Variants in PTPRD observed in about 807,000 individuals in gnomAD.
The protein encoded by PTPRD is receptor-type tyrosine-protein phosphatase delta.
In PTPRD, 34 loss-of-function variants were observed where a neutral mutation model predicts 214.5. That is an observed-to-expected ratio of 0.16 (90% CI 0.12 to 0.21). The LOEUF (loss-of-function observed/expected upper bound fraction) is 0.21, where lower values mean the gene tolerates loss of function less well. PTPRD is among the 10% of genes least tolerant of loss of function. PTPRD has a pLI of 1.00. For synonymous variants in PTPRD, 1,128 were observed against 845.7 expected (o/e 1.33, Z -5.79); for missense variants, 2,545 against 2,398.7 (o/e 1.06, Z -1.27).
chr9:9,443,312 T>C (rs1339946989), intron 8 of PTPRD, among the ~76,000 whole-genome samples: 1 of 152,224 alleles, frequency 6.6e-6, no homozygotes, highest in Non-Finnish European at 1.5e-5. Flanking sequence ...CTACTTCTAG[T>C]TAGCATTGTG....
intron 8 of PTPRD, among the ~76,000 whole-genome samples, chr9:9,520,001 G>T (rs1367253179): frequency 6.6e-6 from 1 of 151,914 alleles, no homozygotes; most frequent in Non-Finnish European, 1.5e-5. Context: ...CTGAAAATAG[G>T]CCTATGTATG....
At chr9:10,472,986 C>G (rs1180602700) in intron 2 of PTPRD, among the ~76,000 whole-genome samples, 1 of 151,800 alleles carries the variant, frequency 6.6e-6, no homozygotes, top group Non-Finnish European at 1.5e-5. Flanking sequence ...TTATTTAATA[C>G]ATTATTTCTT....
At chr9:8,706,284 T>C (rs894945015) in intron 12 of PTPRD, among the ~76,000 whole-genome samples, 1 of 152,206 alleles carries the variant, frequency 6.6e-6, no homozygotes, top group Admixed American at 6.5e-5. Flanking sequence ...AGGTTTGATA[T>C]TTATCCCAAG....
At chr9:8,841,665 T>G (rs1267453488) in intron 11 of PTPRD, among the ~76,000 whole-genome samples, 1 of 150,026 alleles carries the variant, frequency 6.7e-6, no homozygotes, top group African/African-American at 2.4e-5. Context: ...TTTTGTTTAT[T>G]TTGATTATAA....
At chr9:9,835,784 T>C (rs534421294) in intron 5 of PTPRD, among the ~76,000 whole-genome samples, 61 of 152,002 alleles carry the variant, frequency 4.0e-4, no homozygotes, top group Admixed American at 5.9e-4. Flanking sequence ...ACTGAAGGAA[T>C]GAGATAAGCA....
chr9:8,995,784 TACTA>T (rs2099394332), intron 11 of PTPRD, among the ~76,000 whole-genome samples: 1 of 152,066 alleles, frequency 6.6e-6, no homozygotes, highest in African/African-American at 2.4e-5. Context: ...GGATACACAA[TACTA>T]GTTTATATTT....
At chr9:10,565,689 C>T (rs528543108) in intron 2 of PTPRD, among the ~76,000 whole-genome samples, 15 of 152,202 alleles carry the variant, frequency 9.9e-5, no homozygotes, top group African/African-American at 3.4e-4. Flanking sequence ...CCCAGTATAG[C>T]AACCTAGCTT....
chr9:9,533,264 C>T (rs552512947), intron 8 of PTPRD, among the ~76,000 whole-genome samples: 2 of 152,178 alleles, frequency 1.3e-5, no homozygotes, highest in Admixed American at 6.6e-5. Context: ...AATGAGCATA[C>T]AATGTATAGA....
chr9:9,591,253 A>T (rs770575845), intron 7 of PTPRD, among the ~76,000 whole-genome samples: 2 of 151,966 alleles, frequency 1.3e-5, no homozygotes, highest in Non-Finnish European at 2.9e-5. Context: ...GTGGGAGGAC[A>T]TATGGAAGGC....
chr9:8,433,274 C>G (rs550910892), intron 35 of PTPRD, among the ~76,000 whole-genome samples: 1 of 152,154 alleles, frequency 6.6e-6, no homozygotes, highest in Non-Finnish European at 1.5e-5. Flanking sequence ...TATTCTGCTA[C>G]CAGTCACATA....
chr9:9,038,363 C>T (rs1384751909), intron 10 of PTPRD, among the ~76,000 whole-genome samples: 3 of 152,018 alleles, frequency 2.0e-5, no homozygotes, highest in Non-Finnish European at 4.4e-5. Context: ...ATTTTACTTT[C>T]TTCAGCAAAA....
In PTPRD at chr9:9,386,197, G is replaced by T. The variant is rs10114748; in HGVS notation, c.-203+11252C>A. 1.3e-5 allele frequency among the ~76,000 whole-genome samples: 2 copies of T among 151,916 alleles called. 1 individual carries two copies. Among genetic ancestry groups the T allele is most frequent in the Non-Finnish European group, 2.9e-5 (2 of 67,986 alleles). On this transcript the variant is annotated intron_variant, in intron 9 of 45. Coordinates refer to ENST00000381196, the MANE Select transcript of PTPRD (RefSeq NM_002839.4). ...TGTTTCCAATGACATGCATCTTCTA[G>T]ATTTCCCTTAATCCTATGTGACTGG...
chr9:9,349,185 T>C (rs1167651420), intron 9 of PTPRD, among the ~76,000 whole-genome samples: 2 of 152,126 alleles, frequency 1.3e-5, no homozygotes, highest in African/African-American at 4.8e-5. Context: ...TCTGCTTACA[T>C]ATTTCACTTA....
In PTPRD at chr9:8,542,204, A is replaced by C. The variant is rs551140873; in HGVS notation, c.353-13425T>G. Among the ~76,000 whole-genome samples the C allele has an allele frequency of 1.4e-4, 22 of 152,338 alleles. No individual in the cohort carries two copies. The South Asian group carries it at 4.4e-3, about 30-fold the overall frequency. On this transcript the variant is annotated intron_variant, in intron 14 of 45. Coordinates refer to ENST00000381196, the MANE Select transcript of PTPRD (RefSeq NM_002839.4). ...TGAAGGTAAATACAAGTGTGTGGGCACTTCGGTGCTTGCGGGCATGTGTAC... is the reference window on the plus strand; with the variant it reads ...TGAAGGTAAATACAAGTGTGTGGGCCCTTCGGTGCTTGCGGGCATGTGTAC...
At chr9:10,260,675 G>A (rs940335631) in intron 3 of PTPRD, among the ~76,000 whole-genome samples, 7 of 152,096 alleles carry the variant, frequency 4.6e-5, no homozygotes, top group Non-Finnish European at 1.0e-4. Flanking sequence ...TTATCCTGAT[G>A]ACATGAGAAT....
intron 5 of PTPRD, among the ~76,000 whole-genome samples, chr9:9,826,464 A>T (rs967877302): frequency 2.0e-5 from 3 of 151,956 alleles, no homozygotes; most frequent in Non-Finnish European, 2.9e-5. Flanking sequence ...TTTCAGTCAT[A>T]TGGTTATTTT....
intron 7 of PTPRD, among the ~76,000 whole-genome samples, chr9:9,600,158 A>G (rs2093643949): frequency 6.6e-6 from 1 of 152,128 alleles, no homozygotes; most frequent in Non-Finnish European, 1.5e-5. Flanking sequence ...CGATAGAGGT[A>G]CAAGAAAGCA....
At chr9:10,074,273 G>A (rs1001173884) in intron 3 of PTPRD, among the ~76,000 whole-genome samples, 4 of 152,034 alleles carry the variant, frequency 2.6e-5, no homozygotes, top group Non-Finnish European at 5.9e-5. Flanking sequence ...CTCCTATAGT[G>A]GCCTGAGAAT....
At chr9:9,859,173 C>T (rs937825238) in intron 5 of PTPRD, among the ~76,000 whole-genome samples, 2 of 152,180 alleles carry the variant, frequency 1.3e-5, no homozygotes, top group African/African-American at 2.4e-5. Flanking sequence ...ACCTGCTTCC[C>T]CTTTGCCTTC....
Sources: allele counts gnomAD v4.1 joint callset (sites outside exome capture counted in the v4.1 genomes callset), GRCh38; gene constraint gnomAD v4.1.1; transcripts MANE v1.5; gene names NCBI Gene and HGNC (gene_info 2026-07-23, HGNC 2026-07-21).